GOT2: variants seen among roughly 807,000 people sequenced by gnomAD.
GOT2 encodes the protein aspartate aminotransferase, mitochondrial.
A neutral mutation model predicts 50.0 loss-of-function variants in GOT2; 17 were observed. The observed-to-expected ratio is 0.34, with a 90% CI of 0.23 to 0.51. GOT2 has a LOEUF of 0.51. Among genes scored for constraint, GOT2 ranks in the 20% least tolerant of loss-of-function variants. The pLI is 0.97. For missense variants in GOT2, 430 were observed against 559.6 expected, an observed-to-expected ratio of 0.77 and a Z score of 2.34; for synonymous variants, 172 against 204.9, an observed-to-expected ratio of 0.84 and a Z score of 1.37.
At chr16:58,711,756 C>T (rs2152093675) in intron 8 of GOT2, among the ~76,000 whole-genome samples, 1 of 152,304 alleles carries the variant, frequency 6.6e-6, no homozygotes, top group East Asian at 1.9e-4. Context: ...CTACAGTTTC[C>T]ATCGTCCAGC....
At chr16:58,711,295 A>C (rs1402501389) in intron 8 of GOT2, among the ~76,000 whole-genome samples, 1 of 152,148 alleles carries the variant, frequency 6.6e-6, no homozygotes, top group African/African-American at 2.4e-5. Context: ...AAGGAGAGTA[A>C]ATTCTGTCTG....
Position 58,718,253 on chromosome 16 carries a change from A to G in GOT2, c.645T>C (p.Asn215=). ...SVLLLHACAH[N]PTGVDPRPEQ... is the part of the protein sequence containing the mutation. ...CCGGACGCGGGTCCACTCCCGTGGG[A>G]TTGTGGGCGCAGGCATGCAGAAGAA... Residue 215 remains asparagine, a synonymous_variant, in exon 6 of 10, where the codon AAT becomes AAC. Transcript: ENST00000245206. 1 of 1,614,058 alleles carries G rather than the reference A, an allele frequency of 6.2e-7. No individual in the cohort carries two copies. Among genetic ancestry groups the G allele is most frequent in the South Asian group, 1.1e-5 (1 of 91,074 alleles).
At chr16:58,721,795 T>TG in intron 3 of GOT2, 1 of 156,980 alleles carries the variant, frequency 6.4e-6, no homozygotes, top group Non-Finnish European at 1.4e-5. Context: ...TTTTTTTTTT[T>TG]TTGAGATGGA....
At chr16:58,726,791 A>C (rs1479965707) in intron 1 of GOT2, among the ~76,000 whole-genome samples, 1 of 146,196 alleles carries the variant, frequency 6.8e-6, no homozygotes, top group Non-Finnish European at 1.5e-5. Context: ...CCCGGCTGTG[A>C]ATTTTGTTTT....
At chr16:58,732,762 A>G (rs1378556061) in intron 1 of GOT2, among the ~76,000 whole-genome samples, 1 of 152,278 alleles carries the variant, frequency 6.6e-6, no homozygotes. Flanking sequence ...AGCCAAATCC[A>G]TAAAACAAGG....
rs752146167 is a variant in GOT2, at chr16:58,718,187, C to T, written c.702+9G>A. 11 of 1,580,764 alleles carry T rather than the reference C, an allele frequency of 7.0e-6. No homozygotes were observed. Among genetic ancestry groups the T allele is most frequent in the Admixed American group, 5.0e-5 (3 of 59,958 alleles). On this transcript the variant is annotated intron_variant, in intron 6 of 9. Transcript: ENST00000245206. ...ACAGAACTGTCGCCAGTGAGTTCAT[C>T]GTCCTCACCTTCACCACTGTTGCTA...
chr16:58,714,117 G>A (rs30835), intron 8 of GOT2, among the ~76,000 whole-genome samples: 2 of 151,582 alleles, frequency 1.3e-5, no homozygotes, highest in Non-Finnish European at 2.9e-5. Flanking sequence ...TGTTGCCCAG[G>A]CTGGTCTCCA....
At chr16:58,713,860 T>C (rs983868571) in intron 8 of GOT2, among the ~76,000 whole-genome samples, 1 of 152,172 alleles carries the variant, frequency 6.6e-6, no homozygotes, top group Non-Finnish European at 1.5e-5. Context: ...CTTCTACAAC[T>C]GCTCACTCGG....
intron 7 of GOT2, 100 bp downstream of exon 7, chr16:58,716,555 GATGGACAC>G (rs2044694431): frequency 4.8e-6 from 4 of 833,806 alleles, no homozygotes; most frequent in Non-Finnish European, 7.2e-6. Flanking sequence ...CATGGACATG[GATGGACAC>G]ACACACACAC....
intron 8 of GOT2, among the ~76,000 whole-genome samples, chr16:58,713,231 C>G (rs936246541): frequency 1.3e-5 from 2 of 152,032 alleles, no homozygotes; most frequent in African/African-American, 4.8e-5. Flanking sequence ...TAATTTTTTC[C>G]CTTTCACAAA....
At chr16:58,723,622 T>C (rs1440125743) in intron 2 of GOT2, 124 bp downstream of exon 2, 2 of 767,944 alleles carry the variant, frequency 2.6e-6, no homozygotes, top group Admixed American at 4.7e-5. Context: ...GGGTGATTCA[T>C]GCCATTAGTG....
At chr16:58,713,277 G>A (rs2044665036) in intron 8 of GOT2, among the ~76,000 whole-genome samples, 1 of 152,000 alleles carries the variant, frequency 6.6e-6, no homozygotes, top group Non-Finnish European at 1.5e-5. Flanking sequence ...ATATCATGCT[G>A]CAAAAAAATA....
rs1597695339 is a variant in GOT2, at chr16:58,708,323, T to C, written c.1171-30A>G. On this transcript the variant is annotated intron_variant, in intron 9 of 9. Coordinates refer to ENST00000245206, the MANE Select transcript of GOT2 (RefSeq NM_002080.4). ...AGAGAGGAAAGAACTTGGGTACCTC[T>C]TCCCGGTACAGGGGATTCTCCCCGG... 3.1e-6 allele frequency: 5 copies of C among 1,608,806 alleles called. 1 individual carries two copies. In the East Asian group the frequency reaches 1.1e-4, roughly 36 times the overall value.
At chr16:58,718,173 G>T in intron 6 of GOT2, 23 bp downstream of exon 6, 1 of 1,505,588 alleles carries the variant, frequency 6.6e-7, no homozygotes, top group Non-Finnish European at 9.2e-7. Context: ...CAGAACTGTC[G>T]CCAGTGAGTT....
At chr16:58,727,904 A>T (rs1437614277) in intron 1 of GOT2, among the ~76,000 whole-genome samples, 1 of 152,208 alleles carries the variant, frequency 6.6e-6, no homozygotes, top group Non-Finnish European at 1.5e-5. Flanking sequence ...CACATGTTTC[A>T]GTATGGTACC....
At chr16:58,730,306 T>A (rs1367900398) in intron 1 of GOT2, among the ~76,000 whole-genome samples, 1 of 152,112 alleles carries the variant, frequency 6.6e-6, no homozygotes, top group Non-Finnish European at 1.5e-5. Context: ...TACCTGACAG[T>A]TATTTTTTCT....
intron 8 of GOT2, among the ~76,000 whole-genome samples, chr16:58,710,563 T>C (rs2044638507): frequency 1.3e-5 from 2 of 152,048 alleles, no homozygotes; most frequent in Admixed American, 1.3e-4. Flanking sequence ...TATTGGGATG[T>C]AACCCCATCA....
rs117628895 is a variant in GOT2, at chr16:58,716,647, G to A, written c.853+16C>T. The A allele has an allele frequency of 4.3e-3, 6,920 of 1,611,046 alleles. 26 individuals are homozygous for A. The highest frequency in any genetic ancestry group is 5.3e-3 in the Non-Finnish European group (6,278 of 1,178,550). ...CCAGCATGAGAGCATGTGTCATGCT[G>A]GATGCTGTAGCTTACCATATAAGCC... On this transcript the variant is annotated intron_variant, in intron 7 of 9. Transcript: ENST00000245206.
chr16:58,722,318 T>C (rs2044747457), intron 2 of GOT2, 40 bp from the exon 3 acceptor site: 1 of 1,581,976 alleles, frequency 6.3e-7, no homozygotes, highest in Non-Finnish European at 8.7e-7. Flanking sequence ...TTCTTCTCCT[T>C]ACTTGGAATT....
Sources: gnomAD v4.1 joint callset for allele counts (sites outside exome capture counted in the v4.1 genomes callset) on GRCh38, gnomAD v4.1.1 for gene constraint, MANE v1.5 for transcripts, NCBI Gene and HGNC (gene_info 2026-07-23, HGNC 2026-07-21) for gene names.